TRA2A: variants seen among roughly 807,000 people sequenced by gnomAD.
TRA2A encodes the protein transformer 2 alpha homolog.
TRA2A carries 31 observed loss-of-function variants against 45.7 expected under a neutral mutation model. The observed-to-expected ratio is 0.68, with a 90% CI of 0.51 to 0.92. The LOEUF is 0.92. Among genes scored for constraint, TRA2A ranks in the 40% least tolerant of loss-of-function variants. TRA2A has a pLI of 0.00. For synonymous variants in TRA2A, 132 were observed against 126.2 expected (o/e 1.05, Z -0.31); for missense variants, 304 against 367.5 (o/e 0.83, Z 1.41).
At chr7:23,531,759 C>T in intron 1 of TRA2A, 30 bp downstream of exon 1, 6 of 1,612,434 alleles carry the variant, frequency 3.7e-6, no homozygotes, top group Non-Finnish European at 5.1e-6. Context: ...TGGGCCGCCG[C>T]CTAGACGGCT....
rs752047900 is a variant in TRA2A at position 23,516,540 on chromosome 7, A to G, written c.171-12T>C. ...TCCTTGACCTCGACCTTTGAGAGAA[A>G]TACATTTAGGTAAAAATACTGAAAC... On this transcript the variant is annotated splice_polypyrimidine_tract_variant and intron_variant, in intron 2 of 7. Transcript: ENST00000297071. 3.1e-6 allele frequency: 5 copies of G among 1,613,462 alleles called. No homozygotes were observed. In the Admixed American group the frequency reaches 8.3e-5, roughly 27 times the overall value.
intron 4 of TRA2A, among the ~76,000 whole-genome samples, chr7:23,511,302 T>G (rs1362873221): frequency 7.6e-6 from 1 of 132,184 alleles, no homozygotes; most frequent in Non-Finnish European, 1.5e-5. Context: ...ACCCGGGAGG[T>G]AGAGCTTGCA....
intron 1 of TRA2A, among the ~76,000 whole-genome samples, chr7:23,525,741 G>A (rs896850099): frequency 3.3e-5 from 5 of 152,130 alleles, no homozygotes; most frequent in East Asian, 1.9e-4. Flanking sequence ...ACAGGCACCC[G>A]CCATCGCACC....
intron 2 of TRA2A, among the ~76,000 whole-genome samples, chr7:23,517,587 A>C (rs529572485): frequency 1.4e-5 from 2 of 141,742 alleles, no homozygotes; most frequent in African/African-American, 5.3e-5. Context: ...CTTCTATTTT[A>C]AAAAAAAAAA....
intron 1 of TRA2A, among the ~76,000 whole-genome samples, chr7:23,526,073 G>A (rs1469792817): frequency 6.6e-6 from 1 of 152,162 alleles, no homozygotes; most frequent in East Asian, 1.9e-4. Context: ...TACACACTGT[G>A]AATAACCACA....
rs1286532767 is a variant in TRA2A, at chr7:23,513,028, T to C, written c.391A>G (p.Thr131Ala). ...AATACTTCACGAAGATCCCTCTCTG[T>C]TGTGTACAAACTGAGGCCAAACACT... The part of the protein sequence containing the change: ...LGVFGLSLYT[T>A]ERDLREVFSR... The change falls in exon 4 of 8, where the codon ACA (threonine) becomes GCA (alanine). Residue 131 changes from threonine (T) to alanine (A), a missense_variant. Around this residue, in one of 3 missense-constraint regions of TRA2A, gnomAD observed 130 missense variants for 217.1 expected, o/e 0.60. Coordinates refer to ENST00000297071, the MANE Select transcript of TRA2A (RefSeq NM_013293.5). 2 of 1,614,076 alleles carry C rather than the reference T, an allele frequency of 1.2e-6. No individual in the cohort carries two copies. Among genetic ancestry groups the C allele is most frequent in the Admixed American group, 3.3e-5 (2 of 59,990 alleles).
chr7:23,512,470 T>C (rs1369281507), intron 4 of TRA2A, among the ~76,000 whole-genome samples: 2 of 152,126 alleles, frequency 1.3e-5, no homozygotes, highest in African/African-American at 2.4e-5. Flanking sequence ...TCCTATCTTT[T>C]TTTTTTGAGA....
intron 4 of TRA2A, among the ~76,000 whole-genome samples, chr7:23,511,370 C>CAAAAAAAAAAAAAAA (rs567187750): frequency 3.5e-4 from 14 of 40,100 alleles, no homozygotes; most frequent in East Asian, 1.4e-3. Context: ...GACTCCATCT[C>CAAAAAAAAAAAAAAA]AAAAAAAAAA....
chr7:23,517,934 A>C (rs770053506), intron 2 of TRA2A, among the ~76,000 whole-genome samples: 12 of 148,944 alleles, frequency 8.1e-5, no homozygotes, highest in Non-Finnish European at 1.6e-4. Context: ...AACAAACAAA[A>C]TCCTTTTTGA....
At chr7:23,526,730 C>T (rs111297799) in intron 1 of TRA2A, among the ~76,000 whole-genome samples, 9 of 152,250 alleles carry the variant, frequency 5.9e-5, no homozygotes, top group East Asian at 5.8e-4. Flanking sequence ...AAGAAGATAG[C>T]GACTGCTCAT....
chr7:23,520,276 C>G (rs1790074191), intron 2 of TRA2A, among the ~76,000 whole-genome samples: 1 of 152,048 alleles, frequency 6.6e-6, no homozygotes, highest in Admixed American at 6.6e-5. Flanking sequence ...TTAAATCAGA[C>G]AGTGACAACA....
At chr7:23,514,104 G>A (rs891629395) in intron 3 of TRA2A, among the ~76,000 whole-genome samples, 1 of 134,482 alleles carries the variant, frequency 7.4e-6, no homozygotes, top group Non-Finnish European at 1.6e-5. Context: ...TTTCACTCTT[G>A]TTGCCCAGGC....
Position 23,512,923 on chromosome 7 carries a change from A to G in TRA2A, c.496T>C (p.Tyr166His). The G allele has an allele frequency of 1.2e-6, 2 of 1,613,746 alleles. No homozygotes were observed. The highest frequency in any genetic ancestry group is 1.7e-6 in the Non-Finnish European group (2 of 1,179,824). Residue 166 changes from tyrosine (Y) to histidine (H), a missense_variant, in exon 4 of 8, where the codon TAT becomes CAT. Coordinates refer to ENST00000297071, the MANE Select transcript of TRA2A (RefSeq NM_013293.5). Reference protein sequence around the residue: ...TGRSRGFAFVYFERIDDSKEA... With the variant: ...TGRSRGFAFVHFERIDDSKEA... ...TTTGAGTCATCTATTCTCTCAAAAT[A>G]CACAAAAGCAAATCCTCGAGATCGC... is the stretch of plus-strand genomic sequence containing the variant.
intron 1 of TRA2A, among the ~76,000 whole-genome samples, chr7:23,526,897 T>C (rs1037693083): frequency 2.0e-5 from 3 of 152,186 alleles, no homozygotes; most frequent in African/African-American, 7.2e-5. Context: ...CATAAATACA[T>C]GATTTAGTAA....
intron 2 of TRA2A, among the ~76,000 whole-genome samples, chr7:23,517,560 C>A (rs1789941143): frequency 7.3e-6 from 1 of 137,784 alleles, no homozygotes; most frequent in Non-Finnish European, 1.6e-5. Flanking sequence ...GCCCAGGCAA[C>A]ATAGCAAGAC....
intron 2 of TRA2A, among the ~76,000 whole-genome samples, chr7:23,520,203 G>A (rs934075357): frequency 6.6e-6 from 1 of 152,190 alleles, no homozygotes; most frequent in African/African-American, 2.4e-5. Flanking sequence ...GCAACAGAGC[G>A]AGACTCCATC....
At chr7:23,522,111 T>G (rs1360650582) in intron 1 of TRA2A, 36 of 1,287,536 alleles carry the variant, frequency 2.8e-5, no homozygotes, top group Non-Finnish European at 3.6e-5. Context: ...CACTGGAACA[T>G]AAACCATACA....
intron 3 of TRA2A, among the ~76,000 whole-genome samples, chr7:23,515,838 G>T (rs1043908605): frequency 1.3e-5 from 2 of 150,314 alleles, no homozygotes; most frequent in Admixed American, 6.7e-5. Context: ...GAGCCACCAC[G>T]CCCAGCCTTC....
At chr7:23,516,735 T>C (rs1025169572) in intron 2 of TRA2A, among the ~76,000 whole-genome samples, 9 of 151,694 alleles carry the variant, frequency 5.9e-5, no homozygotes, top group African/African-American at 1.5e-4. Flanking sequence ...CCTTTTCACC[T>C]AACCTTACAA....
Sources: gnomAD v4.1 joint callset for allele counts (sites outside exome capture counted in the v4.1 genomes callset) on GRCh38, gnomAD v4.1.1 for gene constraint, gnomAD v4.1.1 regional missense constraint, MANE v1.5 for transcripts, NCBI Gene and HGNC (gene_info 2026-07-23, HGNC 2026-07-21) for gene names.